AGR2: variants seen among roughly 807,000 people sequenced by gnomAD.
The protein encoded by AGR2 is anterior gradient 2, protein disulphide isomerase family member.
Under a neutral mutation model 25.9 loss-of-function variants are expected in AGR2, and 27 were observed. That is an observed-to-expected ratio of 1.04 (90% CI 0.77 to 1.44). The LOEUF is 1.44. Ranked by LOEUF, AGR2 falls within the 40% of genes most tolerant of loss-of-function variation. The pLI is 0.00. For missense variants in AGR2, 182 were observed against 200.9 expected, an observed-to-expected ratio of 0.91 and a Z score of 0.57; for synonymous variants, 78 against 72.0, an observed-to-expected ratio of 1.08 and a Z score of -0.42.
At chr7:16,794,190 C>G (rs868625781) in intron 7 of AGR2, among the ~76,000 whole-genome samples, 1 of 152,206 alleles carries the variant, frequency 6.6e-6, no homozygotes, top group Non-Finnish European at 1.5e-5. Context: ...AGTGTCCGGG[C>G]ATTGAGCACT....
At position 16,792,008 on chromosome 7, in the gene AGR2, A is replaced by G. The variant is rs1784973020; in HGVS notation, c.*900T>C. On this transcript the variant is annotated 3_prime_UTR_variant, in exon 8 of 8. Coordinates refer to ENST00000419304, the MANE Select transcript of AGR2 (RefSeq NM_006408.4). ...CACACAATTCTAATTTCTGTTAGGC[A>G]GAATGCTCCCCTACCCTGATGCCAC... 1.3e-5 allele frequency: 2 copies of G among 152,250 alleles called. No homozygotes were observed. The highest frequency in any genetic ancestry group is 2.9e-5 in the Non-Finnish European group (2 of 68,052). The allele number at this position is 152,250 out of a possible 1,614,324, so 9.4% of individuals were successfully genotyped here. A position where few individuals can be genotyped will look rare whatever the true frequency, so the allele number is the denominator to read the frequency against.
In AGR2 at chr7:16,801,785, A is replaced by G; in HGVS notation, c.12T>C (p.Ile4=). The change falls in exon 2 of 8, where the codon ATT becomes ATC. Residue 4 remains isoleucine, a synonymous_variant. Coordinates refer to ENST00000419304, the MANE Select transcript of AGR2 (RefSeq NM_006408.4). MEK[I]PVSAFLLLVA... ...CAAGGAGCAAGAATGCTGACACTGG[A>G]ATTTTCTCCATGGCAACTCTAGTAT... 6.2e-7 allele frequency: 1 copy of G among 1,608,354 alleles called. No individual in the cohort carries two copies. The highest frequency in any genetic ancestry group is 8.5e-7 in the Non-Finnish European group (1 of 1,176,198).
chr7:16,795,524 T>C (rs1437090643), intron 6 of AGR2, among the ~76,000 whole-genome samples: 1 of 152,174 alleles, frequency 6.6e-6, no homozygotes, highest in African/African-American at 2.4e-5. Flanking sequence ...ATATAGTACC[T>C]TCACTATATT....
At chr7:16,794,709 A>T in intron 7 of AGR2, 1 of 1,199,196 alleles carries the variant, frequency 8.3e-7, no homozygotes, top group Non-Finnish European at 1.1e-6. Flanking sequence ...AGAGAAAAAG[A>T]TACCTAATCT....
chr7:16,801,427 A>C, intron 2 of AGR2, 44 bp from the exon 3 acceptor site: 1 of 1,574,988 alleles, frequency 6.3e-7, no homozygotes, highest in Non-Finnish European at 8.7e-7. Context: ...GTATAAATTC[A>C]GACCCAAAGC....
At position 16,792,882 on chromosome 7, in the gene AGR2, C is replaced by T; in HGVS notation, c.*26G>A. The T allele has an allele frequency of 6.2e-7, 1 of 1,606,492 alleles. No homozygotes were observed. Among genetic ancestry groups the T allele is most frequent in the East Asian group, 2.2e-5 (1 of 44,844 alleles). ...GTTTCAAGTCTCAAGGCCTGACAGA[C>T]AGAAGGGCTTGGAGATTTTTTTTCT... On this transcript the variant is annotated 3_prime_UTR_variant, in exon 8 of 8. Coordinates refer to ENST00000419304, the MANE Select transcript of AGR2 (RefSeq NM_006408.4).
chr7:16,804,905 C>T (rs978602361), intron 1 of AGR2, 30 bp downstream of exon 1: 1 of 152,278 alleles, frequency 6.6e-6, no homozygotes, highest in African/African-American at 2.4e-5. Context: ...CCAGCAAGTA[C>T]CCTTCTAAAG....
chr7:16,794,820 C>T (rs2272246), intron 7 of AGR2, 116 bp downstream of exon 7: 1,199,026 of 1,559,786 alleles, frequency 0.77, 461,635 homozygotes, highest in Middle Eastern at 0.89. Flanking sequence ...AAACTGAGTC[C>T]GAGGCGTCCC....
chr7:16,794,345 C>T (rs946829131), intron 7 of AGR2, among the ~76,000 whole-genome samples: 9 of 152,358 alleles, frequency 5.9e-5, no homozygotes, highest in Admixed American at 2.0e-4. Flanking sequence ...ATAAAACCCA[C>T]TTTTCTTCCC....
At chr7:16,795,258 C>A (rs1384432480) in intron 6 of AGR2, among the ~76,000 whole-genome samples, 1 of 151,476 alleles carries the variant, frequency 6.6e-6, no homozygotes, top group Admixed American at 6.6e-5. Context: ...GTTATGAACC[C>A]TTCTGTTCTA....
At chr7:16,793,648 G>A (rs1784997226) in intron 7 of AGR2, among the ~76,000 whole-genome samples, 1 of 152,196 alleles carries the variant, frequency 6.6e-6, no homozygotes, top group African/African-American at 2.4e-5. Flanking sequence ...AGTGCTTTAT[G>A]CAGATGAATT....
At chr7:16,794,466 T>C (rs112010099) in intron 7 of AGR2, among the ~76,000 whole-genome samples, 181 of 152,336 alleles carry the variant, frequency 1.2e-3, no homozygotes, top group African/African-American at 4.0e-3. Flanking sequence ...ATGGCAACCA[T>C]AGGGAAGGTA....
rs1480476943 is a variant in AGR2, at chr7:16,797,704, A to G, written c.331-10T>C. The G allele has an allele frequency of 1.2e-6, 2 of 1,611,616 alleles. No individual in the cohort carries two copies. The highest frequency in any genetic ancestry group is 2.2e-5 in the East Asian group (1 of 44,872). On this transcript the variant is annotated splice_polypyrimidine_tract_variant and intron_variant, in intron 5 of 7. Transcript: ENST00000419304. ...TGTCAGTTGTTTCATACTAAAATAA[A>G]AAGAAAAGCATCTTTTAGTTTACTT... is the stretch of plus-strand genomic sequence containing the variant.
intron 4 of AGR2, 43 bp from the exon 5 acceptor site, chr7:16,799,860 G>T: frequency 7.5e-7 from 1 of 1,334,132 alleles, no homozygotes; most frequent in Non-Finnish European, 1.1e-6. Context: ...TCTTAGCATT[G>T]GTTAAAAGCT....
intron 5 of AGR2, among the ~76,000 whole-genome samples, chr7:16,798,176 G>A (rs115089837): frequency 8.5e-5 from 13 of 152,218 alleles, no homozygotes; most frequent in Non-Finnish European, 1.8e-4. Flanking sequence ...TGAGGATGCA[G>A]TGGGTGAAAT....
intron 1 of AGR2, among the ~76,000 whole-genome samples, chr7:16,804,269 C>T (rs1785197916): frequency 2.6e-5 from 2 of 75,550 alleles, no homozygotes; most frequent in African/African-American, 8.7e-5. Flanking sequence ...GACATAGGTA[C>T]ACACACACAC....
At chr7:16,799,152 G>A (rs1785097411) in intron 5 of AGR2, among the ~76,000 whole-genome samples, 1 of 152,156 alleles carries the variant, frequency 6.6e-6, no homozygotes, top group East Asian at 1.9e-4. Context: ...CTGGTGCGAA[G>A]TGGTCTTTAA....
At chr7:16,796,929 T>A (rs977187584) in intron 6 of AGR2, among the ~76,000 whole-genome samples, 6 of 63,010 alleles carry the variant, frequency 9.5e-5, no homozygotes, top group Non-Finnish European at 2.8e-4. Context: ...TCATATTCCT[T>A]TTTTTTTTTT....
At position 16,800,369 on chromosome 7, in the gene AGR2, G is replaced by A. The variant is rs1421090075; in HGVS notation, c.257-552C>T. Among the ~76,000 whole-genome samples the A allele has an allele frequency of 5.3e-5, 8 of 152,312 alleles. No individual in the cohort carries two copies. In the South Asian group the frequency reaches 1.7e-3, roughly 32 times the overall value. On this transcript the variant is annotated intron_variant, in intron 4 of 7. Coordinates refer to ENST00000419304, the MANE Select transcript of AGR2 (RefSeq NM_006408.4). ...CTGCAAAAGCACTAGCTGTGAGGTGGGAATGAGCTCACCTGTGGGAGGAAC... is the reference window on the plus strand; with the variant it reads ...CTGCAAAAGCACTAGCTGTGAGGTGAGAATGAGCTCACCTGTGGGAGGAAC...
Sources: allele counts gnomAD v4.1 joint callset (sites outside exome capture counted in the v4.1 genomes callset), GRCh38; gene constraint gnomAD v4.1.1; transcripts MANE v1.5; gene names NCBI Gene and HGNC (gene_info 2026-07-23, HGNC 2026-07-21).